The following MCC variants were observed in gnomAD, a reference collection of about 807,000 sequenced individuals.
MCC encodes the protein colorectal mutant cancer protein.
In MCC, 90 loss-of-function variants were observed where a neutral mutation model predicts 116.2. That is an observed-to-expected ratio of 0.77 (90% CI 0.65 to 0.92). The LOEUF (loss-of-function observed/expected upper bound fraction) is 0.92, where lower values mean the gene tolerates loss of function less well. Among genes scored for constraint, MCC ranks in the 40% least tolerant of loss-of-function variants. MCC has a pLI of 0.00. For synonymous variants in MCC, 578 were observed against 510.5 expected, an observed-to-expected ratio of 1.13 and a Z score of -1.78; for missense variants, 1,516 against 1,312.2, an observed-to-expected ratio of 1.16 and a Z score of -2.40.
intron 3 of MCC, among the ~76,000 whole-genome samples, chr5:113,222,329 C>CT (rs1395628358): frequency 2.0e-5 from 3 of 151,976 alleles, no homozygotes; most frequent in Non-Finnish European, 4.4e-5. Flanking sequence ...CTAAAATTGT[C>CT]TTTTTTTACA....
rs563014758 is a variant in MCC, at chr5:113,364,317, G to A, written c.415+20651C>T. ...CCATGCAAGTCCAAAACCCAGCAGG[G>A]CAGTTATTAAATCTTAAAGCTCCAA... On this transcript the variant is annotated intron_variant, in intron 2 of 18. Transcript: ENST00000408903. 2.6e-4 allele frequency among the ~76,000 whole-genome samples: 39 copies of A among 149,110 alleles called. 1 individual carries two copies. The highest frequency in any genetic ancestry group is 9.3e-4 in the Admixed American group (14 of 15,070).
intron 3 of MCC, among the ~76,000 whole-genome samples, chr5:113,184,636 T>C (rs904645338): frequency 6.6e-6 from 1 of 152,032 alleles, no homozygotes; most frequent in Admixed American, 6.6e-5. Flanking sequence ...CTTATAGCAG[T>C]TTGGTTTCTA....
chr5:113,332,564 CAAAA>C (rs35391036), intron 3 of MCC, among the ~76,000 whole-genome samples: 2 of 88,388 alleles, frequency 2.3e-5, no homozygotes, highest in Admixed American at 1.2e-4. Flanking sequence ...AACCTGTCTC[CAAAA>C]AAAAAAAAAA....
intron 8 of MCC, among the ~76,000 whole-genome samples, chr5:113,088,846 G>C (rs1046275033): frequency 6.6e-6 from 1 of 152,106 alleles, no homozygotes; most frequent in Non-Finnish European, 1.5e-5. Flanking sequence ...GTCTCACTAT[G>C]TTGTGTTGCC....
chr5:113,426,231 T>A (rs897854621), intron 1 of MCC, among the ~76,000 whole-genome samples: 1 of 152,084 alleles, frequency 6.6e-6, no homozygotes, highest in East Asian at 1.9e-4. Flanking sequence ...TGGCCTGAGA[T>A]AAGGATCACG....
chr5:113,241,966 T>C (rs1764384577), intron 3 of MCC, among the ~76,000 whole-genome samples: 1 of 152,238 alleles, frequency 6.6e-6, no homozygotes, highest in African/African-American at 2.4e-5. Flanking sequence ...GGTGGCCATA[T>C]ATTCAAGGAA....
chr5:113,053,736 T>G lies in MCC; in HGVS notation c.2437A>C (p.Met813Leu). The change falls in exon 15 of 19, where the codon ATG becomes CTG. Residue 813 changes from methionine (M) to leucine (L), a missense_variant. Transcript: ENST00000408903. Reference sequence around the variant, plus strand: ...CACCCACCACATACCTTCATGGCCATGAGCTCCTGCATAAGCACTGCGTTT... The same window carrying G: ...CACCCACCACATACCTTCATGGCCAGGAGCTCCTGCATAAGCACTGCGTTT... ...LENAVLMQEL[M>L]AMKEEMAELK... 3 of 1,606,710 alleles carry G rather than the reference T, an allele frequency of 1.9e-6. No individual in the cohort carries two copies. The highest frequency in any genetic ancestry group is 2.6e-6 in the Non-Finnish European group (3 of 1,173,760).
chr5:113,312,649 T>C (rs978874927), intron 3 of MCC, among the ~76,000 whole-genome samples: 1 of 152,116 alleles, frequency 6.6e-6, no homozygotes. Flanking sequence ...ATGTGAAGGG[T>C]TTAAGACTTG....
intron 2 of MCC, among the ~76,000 whole-genome samples, chr5:113,361,131 A>C (rs1024371782): frequency 4.5e-4 from 68 of 152,294 alleles, no homozygotes; most frequent in African/African-American, 1.6e-3. Flanking sequence ...GTTTAGCAGT[A>C]AAACTCTTCT....
intron 6 of MCC, 71 bp from the exon 7 acceptor site, chr5:113,104,426 A>G (rs750123396): frequency 1.8e-5 from 25 of 1,407,376 alleles, no homozygotes; most frequent in Non-Finnish European, 2.3e-5. Context: ...ACCATGAGGG[A>G]CTCATTCAGG....
intron 2 of MCC, among the ~76,000 whole-genome samples, chr5:113,370,234 C>T (rs1202243672): frequency 6.6e-6 from 1 of 152,158 alleles, no homozygotes; most frequent in Non-Finnish European, 1.5e-5. Flanking sequence ...TTCACCTTCC[C>T]CTTAAGGATT....
intron 3 of MCC, among the ~76,000 whole-genome samples, chr5:113,322,339 A>T (rs959502922): frequency 6.6e-6 from 1 of 152,192 alleles, no homozygotes; most frequent in African/African-American, 2.4e-5. Context: ...GCTGTACTAT[A>T]ATTTTATTTT....
Position 113,176,078 on chromosome 5 carries a change from T to C in MCC, c.628-24656A>G, listed in dbSNP as rs1305577269. On this transcript the variant is annotated intron_variant, in intron 3 of 18. Transcript: ENST00000408903. ...AAAAATGTTAAGTTTAAGTATACAT[T>C]TGAAAATTCAGGAGCTAATTCTATT... is the stretch of plus-strand genomic sequence containing the variant. Among the ~76,000 whole-genome samples, 4 of 152,204 alleles carry C rather than the reference T, an allele frequency of 2.6e-5. No homozygotes were observed. In the East Asian group the frequency reaches 7.7e-4, roughly 29 times the overall value.
chr5:113,178,757 C>A (rs547710622), intron 3 of MCC, among the ~76,000 whole-genome samples: 43 of 152,206 alleles, frequency 2.8e-4, no homozygotes, highest in Non-Finnish European at 3.5e-4. Flanking sequence ...CTCAAAAATA[C>A]CCACTCTTAA....
intron 6 of MCC, among the ~76,000 whole-genome samples, chr5:113,109,140 T>C: frequency 6.6e-6 from 1 of 151,952 alleles, no homozygotes; most frequent in East Asian, 1.9e-4. Flanking sequence ...AGTATAGGAG[T>C]AGAGTTGCTG....
intron 3 of MCC, among the ~76,000 whole-genome samples, chr5:113,263,962 T>G (rs1765313766): frequency 6.6e-6 from 1 of 151,926 alleles, no homozygotes; most frequent in South Asian, 2.1e-4. Context: ...GTGGTCAGAT[T>G]GGAAACCAAA....
At chr5:113,077,636 C>A (rs1754549771) in intron 11 of MCC, among the ~76,000 whole-genome samples, 2 of 152,212 alleles carry the variant, frequency 1.3e-5, no homozygotes, top group African/African-American at 4.8e-5. Flanking sequence ...ATACAAGAAT[C>A]TCTGGGACAC....
chr5:113,484,703 A>G (rs1379387703), intron 1 of MCC, among the ~76,000 whole-genome samples: 1 of 152,218 alleles, frequency 6.6e-6, no homozygotes, highest in Non-Finnish European at 1.5e-5. Context: ...GGAACTCAAA[A>G]ATGTTAAGCA....
intron 3 of MCC, among the ~76,000 whole-genome samples, chr5:113,257,025 C>A (rs1765031392): frequency 6.6e-6 from 1 of 152,148 alleles, no homozygotes; most frequent in South Asian, 2.1e-4. Context: ...TATCACCCTT[C>A]CATTACATCT....
Sources: allele counts gnomAD v4.1 joint callset (sites outside exome capture counted in the v4.1 genomes callset), GRCh38; gene constraint gnomAD v4.1.1; transcripts MANE v1.5; gene names NCBI Gene and HGNC (gene_info 2026-07-23, HGNC 2026-07-21).